ZNF816: variants seen among roughly 807,000 people sequenced by gnomAD.
ZNF816 encodes zinc finger protein 816.
ZNF816 carries 11 observed loss-of-function variants against 8.3 expected under a neutral mutation model. The ratio of observed to expected loss-of-function variants is 1.32; its 90% CI spans 0.83 to 2.19. The LOEUF is 2.19. ZNF816 is among the 30% of genes most tolerant of loss of function. ZNF816 has a pLI of 0.00. For missense variants in ZNF816, 710 were observed against 779.3 expected, an observed-to-expected ratio of 0.91 and a Z score of 1.06; for synonymous variants, 255 against 254.5, an observed-to-expected ratio of 1.00 and a Z score of -0.02.
rs1168399652 is a variant in ZNF816, at chr19:52,957,992, G to A, written c.-15-1888C>T. On this transcript the variant is annotated intron_variant, in intron 1 of 3. Coordinates refer to ENST00000444460, the MANE Select transcript of ZNF816 (RefSeq NM_001202457.3). The surrounding 1 kb of genome is among the most constrained non-coding windows in gnomAD (Gnocchi z 4.6). ...GCGGTGGCCAAGGGTGTAGACAGAA[G>A]ACAACCCTCCAGGGATGGCAGTTAA... Among the ~76,000 whole-genome samples the A allele has an allele frequency of 1.3e-5, 2 of 152,180 alleles. No homozygotes were observed. Among genetic ancestry groups the A allele is most frequent in the Admixed American group, 6.5e-5 (1 of 15,278 alleles).
chr19:52,953,538 TATAATACA>T (rs2083481626), intron 2 of ZNF816: 2 of 48,170 alleles, frequency 4.2e-5, no homozygotes, highest in African/African-American at 3.4e-4. Flanking sequence ...ATATATAATA[TATAATACA>T]ATATTATATA....
chr19:52,951,922 G>C, intron 3 of ZNF816: 1 of 417,786 alleles, frequency 2.4e-6, no homozygotes. Flanking sequence ...GTTCAGTCAA[G>C]AGCCTCATAT....
At chr19:52,959,932 A>C (rs965067376) in intron 1 of ZNF816, 1 of 153,184 alleles carries the variant, frequency 6.5e-6, no homozygotes, top group African/African-American at 2.4e-5. Context: ...CTGACCTTGT[A>C]CCTACTTATT....
At position 52,950,601 on chromosome 19, in the gene ZNF816, T is replaced by A; in HGVS notation, c.1174A>T (p.Thr392Ser). ...SSLQCHHILH[T>S]GEKPYKCEEC... Reference sequence around the variant, plus strand: ...TCACATTTGTAAGGTTTCTCTCCAGTGTGAAGTATATGATGGCATTGAAGG... The same window carrying A: ...TCACATTTGTAAGGTTTCTCTCCAGAGTGAAGTATATGATGGCATTGAAGG... Residue 392 changes from threonine (T) to serine (S), a missense_variant, in exon 4 of 4, where the codon ACT (threonine) becomes TCT (serine). By Grantham distance (58) the Thr-to-Ser change is moderately conservative. Coordinates refer to ENST00000444460, the MANE Select transcript of ZNF816 (RefSeq NM_001202457.3). 1 of 1,614,162 alleles carries A rather than the reference T, an allele frequency of 6.2e-7. No homozygotes were observed. Among genetic ancestry groups the A allele is most frequent in the Non-Finnish European group, 8.5e-7 (1 of 1,180,020 alleles).
rs138789694 is a variant in ZNF816 at position 52,950,562 on chromosome 19, C to T, written c.1213G>A (p.Val405Ile). Reference protein sequence around the residue: ...KPYKCEECDNVYIRRSHLERH... With the variant: ...KPYKCEECDNIYIRRSHLERH... The stretch of plus-strand genomic sequence containing the variant: ...TCAAGGTGTGATCTGCGAATGTAAA[C>T]ATTGTCACATTCTTCACATTTGTAA... The change falls in exon 4 of 4, where the codon GTT (valine) becomes ATT (isoleucine). Residue 405 changes from valine (V) to isoleucine (I), a missense_variant. Val to Ile is a conservative substitution (Grantham distance 29). Transcript: ENST00000444460. 42 of 1,614,076 alleles carry T rather than the reference C, an allele frequency of 2.6e-5. No homozygotes were observed. In the African/African-American group the frequency reaches 5.5e-4, roughly 21 times the overall value.
chr19:52,953,087 G>C (rs1026003907), intron 2 of ZNF816, among the ~76,000 whole-genome samples: 5 of 151,848 alleles, frequency 3.3e-5, no homozygotes, highest in Admixed American at 3.3e-4. Context: ...AGTCACTGTG[G>C]AAGTCTCAGT....
At chr19:52,955,101 G>A (rs2083498430) in intron 2 of ZNF816, among the ~76,000 whole-genome samples, 1 of 151,944 alleles carries the variant, frequency 6.6e-6, no homozygotes, top group East Asian at 1.9e-4. Context: ...CCTCTCTAAC[G>A]ACGTAAGTTG....
chr19:52,961,295 C>A (rs1303681300), intron 1 of ZNF816, among the ~76,000 whole-genome samples: 1 of 152,132 alleles, frequency 6.6e-6, no homozygotes, highest in Non-Finnish European at 1.5e-5. Flanking sequence ...AAAGAATCCC[C>A]AAACAAGAAA....
chr19:52,956,522 C>A (rs754031301), intron 1 of ZNF816, among the ~76,000 whole-genome samples: 3 of 152,146 alleles, frequency 2.0e-5, no homozygotes, highest in Non-Finnish European at 4.4e-5. Flanking sequence ...AGTGTGGGTC[C>A]CATCCTATTA....
At chr19:52,952,402 A>T (rs2083467237) in intron 3 of ZNF816, 1 of 408,606 alleles carries the variant, frequency 2.4e-6, no homozygotes, top group Non-Finnish European at 4.3e-6. Flanking sequence ...ACAAAACCAC[A>T]AGCACAGCTG....
At chr19:52,960,067 G>C (rs2083543155) in intron 1 of ZNF816, 1 of 157,330 alleles carries the variant, frequency 6.4e-6, no homozygotes, top group Admixed American at 6.5e-5. Context: ...TACTGGAGGT[G>C]CATGAAACCA....
chr19:52,962,185 G>A (rs190656410), intron 1 of ZNF816, among the ~76,000 whole-genome samples: 281 of 152,128 alleles, frequency 1.8e-3, no homozygotes, highest in Middle Eastern at 3.4e-3. Context: ...CAGGCACAGA[G>A]ACTATACTAT....
At chr19:52,953,983 G>C (rs1028213876) in intron 2 of ZNF816, among the ~76,000 whole-genome samples, 22 of 141,642 alleles carry the variant, frequency 1.6e-4, no homozygotes, top group Middle Eastern at 4.2e-3. Flanking sequence ...AGGGGTTGCA[G>C]TAAGCCAAGG....
At chr19:52,953,825 A>G in intron 2 of ZNF816, among the ~76,000 whole-genome samples, 1 of 148,294 alleles carries the variant, frequency 6.7e-6, no homozygotes, top group Non-Finnish European at 1.5e-5. Flanking sequence ...GGATCACTTA[A>G]GGTCAGGAGT....
At chr19:52,962,650 C>T (rs1366108451) in intron 1 of ZNF816, 77 bp downstream of exon 1, 1 of 152,244 alleles carries the variant, frequency 6.6e-6, no homozygotes, top group Non-Finnish European at 1.5e-5. Flanking sequence ...TGCACGGCCC[C>T]ACTGCAGAAA....
At chr19:52,960,255 A>T (rs1452100790) in intron 1 of ZNF816, 1 of 274,356 alleles carries the variant, frequency 3.6e-6, no homozygotes, top group African/African-American at 2.3e-5. Context: ...CCCTTTGAAG[A>T]TCTCCAGGTG....
At chr19:52,952,581 G>C (rs1024031940) in intron 3 of ZNF816, 170 bp downstream of exon 3, 22 of 1,274,282 alleles carry the variant, frequency 1.7e-5, no homozygotes, top group Admixed American at 7.3e-5. Context: ...CTCCAAAGAA[G>C]AGTCTCTAAG....
Position 52,949,839 on chromosome 19 carries a change from T to C in ZNF816, c.1936A>G (p.Arg646Gly). 6.2e-7 allele frequency: 1 copy of C among 1,613,680 alleles called. No individual in the cohort carries two copies. The highest frequency in any genetic ancestry group is 8.5e-7 in the Non-Finnish European group (1 of 1,179,724). The change falls in exon 4 of 4, where the codon AGG becomes GGG. Residue 646 changes from arginine to glycine, a missense_variant. Transcript: ENST00000444460. ...AATCATTACATTTGTAAAGTTTCCC[T>C]ACACCCATGGATTGCTTGATGGTGA... Reference protein sequence around the residue: ...LIHHQAIHGCRETLQM With the variant: ...LIHHQAIHGCGETLQM
Position 52,950,704 on chromosome 19 carries a change from T to C in ZNF816, c.1071A>G (p.Val357=). 6.2e-7 allele frequency: 1 copy of C among 1,614,160 alleles called. No homozygotes were observed. The highest frequency in any genetic ancestry group is 8.5e-7 in the Non-Finnish European group (1 of 1,180,028). Residue 357 remains valine, a synonymous_variant, in exon 4 of 4, where the codon GTA becomes GTG. Transcript: ENST00000444460. The stretch of plus-strand genomic sequence containing the variant: ...CTCCAGTATGAATTGCCTTATGAAT[T>C]ACAAGGGCTGAATTTCGACCAAAAG... ...GKTFGRNSAL[V]IHKAIHTGEK... is the part of the protein sequence containing the mutation.
Sources: gnomAD v4.1 joint callset for allele counts (sites outside exome capture counted in the v4.1 genomes callset) on GRCh38, gnomAD v4.1.1 for gene constraint, Gnocchi (gnomAD v3.1) non-coding constraint, MANE v1.5 for transcripts, NCBI Gene and HGNC (gene_info 2026-07-23, HGNC 2026-07-21) for gene names.